The following PIP4K2A variants were observed in gnomAD, a reference collection of about 807,000 sequenced individuals.
The protein encoded by PIP4K2A is phosphatidylinositol 5-phosphate 4-kinase type-2 alpha.
A neutral mutation model predicts 42.9 loss-of-function variants in PIP4K2A; 14 were observed. The observed-to-expected ratio is 0.33, with a 90% CI of 0.22 to 0.51. The LOEUF (loss-of-function observed/expected upper bound fraction) is 0.51. Among genes scored for constraint, PIP4K2A ranks in the 20% least tolerant of loss-of-function variants. The pLI is 0.97. For missense variants in PIP4K2A, 434 were observed against 519.8 expected (o/e 0.83, Z 1.61); for synonymous variants, 192 against 192.2 (o/e 1.00, Z 0.01).
rs574957216 is a variant in PIP4K2A at position 22,537,503 on chromosome 10, C to T, written c.1141-222G>A. On this transcript the variant is annotated intron_variant, in intron 9 of 9. Coordinates refer to ENST00000376573, the MANE Select transcript of PIP4K2A (RefSeq NM_005028.5). ...CTGTGTCTGCAAATGAGACAAAGGG[C>T]GACAGGAGCACCAGATGCTACCACA... 3.3e-5 allele frequency among the ~76,000 whole-genome samples: 5 copies of T among 152,190 alleles called. No homozygotes were observed. The East Asian group carries it at 5.8e-4, about 18-fold the overall frequency.
intron 1 of PIP4K2A, among the ~76,000 whole-genome samples, chr10:22,652,428 T>G (rs1443659868): frequency 6.6e-6 from 1 of 152,176 alleles, no homozygotes; most frequent in African/African-American, 2.4e-5. Context: ...GCCTCAATTT[T>G]TAACTATCCA....
intron 1 of PIP4K2A, among the ~76,000 whole-genome samples, chr10:22,704,333 C>A (rs960842964): frequency 1.3e-5 from 2 of 152,042 alleles, no homozygotes; most frequent in African/African-American, 4.8e-5. Flanking sequence ...AATGTTAGCA[C>A]TGCCAGTGAT....
rs1411214944 is a variant in PIP4K2A at position 22,664,152 on chromosome 10, CACATATATATATAT to C, written c.144+50017_144+50030del. Among the ~76,000 whole-genome samples, 15 of 20,840 alleles carry C rather than the reference CACATATATATATAT, an allele frequency of 7.2e-4. 1 individual carries two copies. Among genetic ancestry groups the C allele is most frequent in the South Asian group, 4.3e-3 (3 of 692 alleles). 13.7% of individuals were successfully genotyped at this position (20,840 alleles called of 152,430 possible). A position where few individuals can be genotyped will look rare whatever the true frequency, so the allele number is the denominator to read the frequency against. On this transcript the variant is annotated intron_variant, in intron 1 of 9. Coordinates refer to ENST00000376573, the MANE Select transcript of PIP4K2A (RefSeq NM_005028.5). ...ATACATATATATATACATATATATA[CACATATATATATAT>C]ACATATATATATATACATATATATA...
intron 3 of PIP4K2A, among the ~76,000 whole-genome samples, chr10:22,603,747 G>A (rs1837846111): frequency 6.6e-6 from 1 of 152,096 alleles, no homozygotes; most frequent in African/African-American, 2.4e-5. Context: ...GCTTAAGGGG[G>A]CAGTGGTAAT....
At chr10:22,590,415 T>C (rs1438543864) in intron 4 of PIP4K2A, among the ~76,000 whole-genome samples, 1 of 152,256 alleles carries the variant, frequency 6.6e-6, no homozygotes, top group Non-Finnish European at 1.5e-5. Context: ...GGATGTTATC[T>C]TGATAATAGC....
rs1209015428 is a variant in PIP4K2A, at chr10:22,535,273, A to C, written c.*1928T>G. 2.6e-5 allele frequency: 4 copies of C among 152,354 alleles called. No homozygotes were observed. The highest frequency in any genetic ancestry group is 9.6e-5 in the African/African-American group (4 of 41,578). The allele number at this position is 152,354 out of a possible 1,614,324, so 9.4% of individuals were successfully genotyped here. A position where few individuals can be genotyped will look rare whatever the true frequency, so the allele number is the denominator to read the frequency against. On this transcript the variant is annotated 3_prime_UTR_variant, in exon 10 of 10. Coordinates refer to ENST00000376573, the MANE Select transcript of PIP4K2A (RefSeq NM_005028.5). ...GTAGAACTTCACAACACAAAAACTG[A>C]TCTGATGCCAGAATTAATGGTGCAG...
At chr10:22,548,806 G>A (rs1836317600) in intron 7 of PIP4K2A, among the ~76,000 whole-genome samples, 1 of 152,110 alleles carries the variant, frequency 6.6e-6, no homozygotes, top group East Asian at 1.9e-4. Context: ...AGCACTTTGG[G>A]AGGCTGAGGT....
chr10:22,660,493 C>T (rs1057313693), intron 1 of PIP4K2A, among the ~76,000 whole-genome samples: 2 of 151,788 alleles, frequency 1.3e-5, no homozygotes, highest in East Asian at 1.9e-4. Flanking sequence ...AATAAATAAA[C>T]GCTTACTGAA....
intron 8 of PIP4K2A, among the ~76,000 whole-genome samples, chr10:22,541,199 T>A (rs1386429740): frequency 6.6e-6 from 1 of 152,216 alleles, no homozygotes; most frequent in Non-Finnish European, 1.5e-5. Flanking sequence ...CCATAGGCCC[T>A]TCCATGGGGG....
At chr10:22,546,415 G>T (rs759639189) in intron 7 of PIP4K2A, among the ~76,000 whole-genome samples, 2 of 152,018 alleles carry the variant, frequency 1.3e-5, no homozygotes, top group African/African-American at 2.4e-5. Context: ...TCTTCAAAAC[G>T]TTAAATTTCT....
At chr10:22,686,312 C>A (rs74121869) in intron 1 of PIP4K2A, among the ~76,000 whole-genome samples, 1 of 152,082 alleles carries the variant, frequency 6.6e-6, no homozygotes, top group East Asian at 1.9e-4. Context: ...TAACTAAACC[C>A]CACAAACCAT....
chr10:22,705,906 C>T (rs1833815024), intron 1 of PIP4K2A, among the ~76,000 whole-genome samples: 2 of 152,058 alleles, frequency 1.3e-5, no homozygotes, highest in South Asian at 4.1e-4. Context: ...TTAACTGACT[C>T]AGTTCTGCAG....
chr10:22,568,736 A>C (rs1267940602), intron 5 of PIP4K2A, among the ~76,000 whole-genome samples: 2 of 152,188 alleles, frequency 1.3e-5, no homozygotes, highest in Non-Finnish European at 2.9e-5. Flanking sequence ...CTTGTGGAAG[A>C]TTTTAATTCA....
intron 7 of PIP4K2A, among the ~76,000 whole-genome samples, chr10:22,549,658 G>A (rs150846853): frequency 0.014 from 2,154 of 151,576 alleles, 39 homozygotes; most frequent in African/African-American, 0.048. Context: ...TGGCTAACAC[G>A]GTGAAACCCC....
intron 6 of PIP4K2A, among the ~76,000 whole-genome samples, chr10:22,552,807 G>A (rs1836445810): frequency 6.6e-6 from 1 of 152,178 alleles, no homozygotes; most frequent in Non-Finnish European, 1.5e-5. Flanking sequence ...AGGCGTGTGG[G>A]TGGGGGTGTT....
At chr10:22,543,395 G>C (rs1044559373) in intron 7 of PIP4K2A, among the ~76,000 whole-genome samples, 1 of 152,170 alleles carries the variant, frequency 6.6e-6, no homozygotes, top group African/African-American at 2.4e-5. Context: ...TCAAAAAAGA[G>C]AAATCACACA....
chr10:22,681,724 G>T (rs184265852), intron 1 of PIP4K2A, among the ~76,000 whole-genome samples: 229 of 151,818 alleles, frequency 1.5e-3, no homozygotes, highest in African/African-American at 5.3e-3. Flanking sequence ...AAAATAAAAC[G>T]CAGGAAAAGA....
intron 1 of PIP4K2A, among the ~76,000 whole-genome samples, chr10:22,699,004 G>C (rs999680072): frequency 6.6e-6 from 1 of 152,086 alleles, no homozygotes; most frequent in African/African-American, 2.4e-5. Context: ...ATATTCATTG[G>C]CATGTGTTAA....
chr10:22,635,270 G>C (rs1342156709), intron 1 of PIP4K2A, among the ~76,000 whole-genome samples: 2 of 152,154 alleles, frequency 1.3e-5, no homozygotes, highest in Non-Finnish European at 2.9e-5. Context: ...TGTTATGGCA[G>C]GTTCATCGAA....
Sources: gnomAD v4.1 joint callset for allele counts (sites outside exome capture counted in the v4.1 genomes callset) on GRCh38, gnomAD v4.1.1 for gene constraint, MANE v1.5 for transcripts, NCBI Gene and HGNC (gene_info 2026-07-23, HGNC 2026-07-21) for gene names.